The following ERAP1 variants were observed in gnomAD, a reference collection of about 807,000 sequenced individuals.
ERAP1 encodes the protein endoplasmic reticulum aminopeptidase 1.
A neutral mutation model predicts 103.7 loss-of-function variants in ERAP1; 86 were observed. That is an observed-to-expected ratio of 0.83 (90% CI 0.70 to 0.99). The LOEUF (loss-of-function observed/expected upper bound fraction) is 0.99, where lower values mean the gene tolerates loss of function less well. ERAP1 is among the 50% of genes least tolerant of loss of function. The probability of loss-of-function intolerance (pLI) is 0.00; values close to 1 mark genes in which losing one functional copy is unlikely to be tolerated. For missense variants in ERAP1, 1,009 were observed against 1,128.4 expected (o/e 0.89, Z 1.52); for synonymous variants, 398 against 402.4 (o/e 0.99, Z 0.13).
intron 1 of ERAP1, chr5:96,805,704 G>C (rs1053957642): frequency 1.1e-4 from 16 of 152,272 alleles, no homozygotes; most frequent in African/African-American, 3.6e-4. Flanking sequence ...TGAAGTTGGG[G>C]AACTAGAGAG....
At chr5:96,815,417 T>TTG in the ERAP1 span, among the ~76,000 whole-genome samples, 2 of 147,946 alleles carry the variant, frequency 1.4e-5, no homozygotes, top group Admixed American at 6.7e-5. Flanking sequence ...GTTTTTTATT[T>TTG]TTTTTTTTTT....
At chr5:96,837,650 G>T in the ERAP1 span, among the ~76,000 whole-genome samples, 1 of 152,240 alleles carries the variant, frequency 6.6e-6, no homozygotes, top group Non-Finnish European at 1.5e-5. Flanking sequence ...GAATGTTACA[G>T]TCAGTGCTCT....
chr5:96,917,356 A>G, the ERAP1 span: 1 of 1,027,056 alleles, frequency 9.7e-7, no homozygotes, highest in Non-Finnish European at 1.4e-6. Flanking sequence ...CCTGAGCTCA[A>G]TTGATCTGCC....
the ERAP1 span, among the ~76,000 whole-genome samples, chr5:96,822,494 C>T: frequency 3.9e-5 from 6 of 152,212 alleles, no homozygotes; most frequent in East Asian, 3.9e-4. Context: ...TGTTATCAAA[C>T]GGAGATGCAA....
the ERAP1 span, chr5:96,917,499 C>T: frequency 6.2e-7 from 1 of 1,613,086 alleles, no homozygotes; most frequent in South Asian, 1.1e-5. Context: ...GCTCAAGGAT[C>T]ACATCTGGAT....
In ERAP1 at chr5:96,774,902, T is replaced by G. The variant is rs912349905; in HGVS notation, c.*1494A>C. On this transcript the variant is annotated 3_prime_UTR_variant, in exon 19 of 19. Transcript: ENST00000443439. ...TTTGTCGTGTATTAGGGGAACACATTTTGACATTTTTCGTACCAATCATCA... is the reference window on the plus strand; with the variant it reads ...TTTGTCGTGTATTAGGGGAACACATGTTGACATTTTTCGTACCAATCATCA... The G allele has an allele frequency of 5.1e-6, 5 of 985,378 alleles. No homozygotes were observed. Among genetic ancestry groups the G allele is most frequent in the Non-Finnish European group, 6.0e-6 (5 of 829,918 alleles). 61.0% of individuals were successfully genotyped at this position (985,378 alleles called of 1,614,324 possible).
the ERAP1 span, chr5:96,892,211 A>G: frequency 7.5e-7 from 1 of 1,340,290 alleles, no homozygotes; most frequent in African/African-American, 1.5e-5. Context: ...AATATGCTTA[A>G]AGGATCATAG....
chr5:96,883,876 T>C, the ERAP1 span: 1 of 1,613,684 alleles, frequency 6.2e-7, no homozygotes, highest in African/African-American at 1.3e-5. Context: ...AAGCCAACTT[T>C]TCAATCAAGA....
the ERAP1 span, among the ~76,000 whole-genome samples, chr5:96,878,031 A>G: frequency 6.6e-6 from 1 of 152,220 alleles, no homozygotes; most frequent in African/African-American, 2.4e-5. Context: ...GCAGTAAGGA[A>G]GTAAGTAGAG....
chr5:96,833,057 CAT>C, the ERAP1 span, among the ~76,000 whole-genome samples: 1 of 152,178 alleles, frequency 6.6e-6, no homozygotes, highest in Non-Finnish European at 1.5e-5. Context: ...AGGTCTCAGC[CAT>C]GCTGATGCCT....
chr5:96,783,026 A>C (rs372242360), intron 15 of ERAP1, 25 bp downstream of exon 15: 22 of 1,612,674 alleles, frequency 1.4e-5, no homozygotes, highest in Non-Finnish European at 1.4e-5. Context: ...CACATCAACA[A>C]ATTGGTTATT....
the ERAP1 span, chr5:96,909,047 T>A: frequency 6.2e-7 from 1 of 1,614,180 alleles, no homozygotes; most frequent in Non-Finnish European, 8.5e-7. Flanking sequence ...CTCGAAGGTC[T>A]GAGTTACTTG....
chr5:96,935,024 C>A, the ERAP1 span: 4,919 of 152,408 alleles, frequency 0.032, 151 homozygotes, highest in South Asian at 0.088. Flanking sequence ...CGGGGCTGCC[C>A]GATTTGGCAC....
chr5:96,854,940 C>T, the ERAP1 span, among the ~76,000 whole-genome samples: 1 of 152,054 alleles, frequency 6.6e-6, no homozygotes, highest in Non-Finnish European at 1.5e-5. Context: ...TTGAAACTCC[C>T]CAAAGAGCTT....
At chr5:96,786,585 A>C (rs370127963) in intron 11 of ERAP1, 36 bp from the exon 12 acceptor site, 1 of 1,340,872 alleles carries the variant, frequency 7.5e-7, no homozygotes. Flanking sequence ...TCATTTGTTG[A>C]TTCAATTCAA....
At position 96,775,341 on chromosome 5, in the gene ERAP1, T is replaced by G. The variant is rs539913823; in HGVS notation, c.*1055A>C. Reference sequence around the variant, plus strand: ...AAATATTTTGTTTCACAATGTACTATCATTTATTGGTGACTGCAATAATTT... The same window carrying G: ...AAATATTTTGTTTCACAATGTACTAGCATTTATTGGTGACTGCAATAATTT... On this transcript the variant is annotated 3_prime_UTR_variant, in exon 19 of 19. Coordinates refer to ENST00000443439, the MANE Select transcript of ERAP1 (RefSeq NM_001040458.3). The G allele has an allele frequency of 1.0e-6, 1 of 985,396 alleles. No individual in the cohort carries two copies. Among genetic ancestry groups the G allele is most frequent in the African/African-American group, 1.7e-5 (1 of 57,334 alleles). The allele number at this position is 985,396 out of a possible 1,614,324, so 61.0% of individuals were successfully genotyped here.
chr5:96,794,171 C>CTTT (rs35041937), intron 5 of ERAP1, among the ~76,000 whole-genome samples: 5,029 of 68,714 alleles, frequency 0.073, 1,054 homozygotes, highest in Middle Eastern at 0.095. Flanking sequence ...CATCTCAGGC[C>CTTT]TTTTTTTTTT....
At chr5:96,798,871 C>CTTTTGTTT (rs529618098) in intron 3 of ERAP1, among the ~76,000 whole-genome samples, 5 of 124,878 alleles carry the variant, frequency 4.0e-5, no homozygotes, top group Admixed American at 8.5e-5. Flanking sequence ...CAAAAATTTC[C>CTTTTGTTT]TTTTTTTTTT....
the ERAP1 span, among the ~76,000 whole-genome samples, chr5:96,922,131 T>C: frequency 4.0e-5 from 6 of 151,158 alleles, no homozygotes; most frequent in Admixed American, 2.6e-4. Flanking sequence ...ACCCCGTCGC[T>C]GCTAAAAATA....
Sources: gnomAD v4.1 joint callset for allele counts (sites outside exome capture counted in the v4.1 genomes callset) on GRCh38, gnomAD v4.1.1 for gene constraint, MANE v1.5 for transcripts, NCBI Gene and HGNC (gene_info 2026-07-23, HGNC 2026-07-21) for gene names.